HERC1: variants seen among roughly 807,000 people sequenced by gnomAD.
The protein encoded by HERC1 is probable E3 ubiquitin-protein ligase HERC1.
Under a neutral mutation model 554.3 loss-of-function variants are expected in HERC1, and 160 were observed. That is an observed-to-expected ratio of 0.29 (90% CI 0.25 to 0.33). The LOEUF (loss-of-function observed/expected upper bound fraction) is 0.33. HERC1 is among the 10% of genes least tolerant of loss of function. The pLI is 1.00. For synonymous variants in HERC1, 2,175 were observed against 2,131.7 expected (o/e 1.02, Z -0.56); for missense variants, 4,919 against 5,918.5 (o/e 0.83, Z 5.54).
intron 56 of HERC1, 113 bp downstream of exon 56, chr15:63,645,366 ATAAG>A: frequency 1.3e-6 from 1 of 756,672 alleles, no homozygotes; most frequent in South Asian, 1.9e-5. Context: ...GTTACACATT[ATAAG>A]AATAGCAACT....
At chr15:63,738,633 G>A (rs1298324412) in intron 12 of HERC1, among the ~76,000 whole-genome samples, 1 of 152,038 alleles carries the variant, frequency 6.6e-6, no homozygotes, top group Non-Finnish European at 1.5e-5. Context: ...GCAGCAATGT[G>A]GTTACTGCAA....
chr15:63,661,942 T>C lies in HERC1; in HGVS notation c.8981A>G (p.His2994Arg). The C allele has an allele frequency of 6.2e-7, 1 of 1,614,034 alleles. No homozygotes were observed. Among genetic ancestry groups the C allele is most frequent in the Non-Finnish European group, 8.5e-7 (1 of 1,179,882 alleles). Residue 2994 changes from histidine to arginine, a missense_variant, in exon 45 of 78, where the codon CAC (histidine) becomes CGC (arginine). His to Arg is a conservative substitution (Grantham distance 29, BLOSUM62 0). This residue lies in a region of HERC1 where 1,963 missense variants were observed against 2,228.6 expected (regional missense o/e 0.88). Transcript: ENST00000443617. ...ACAGCCTGGATGGTTTCTCTTCATG[T>C]GCTGATTGAAGCTGACGACGCTGCA... ...CECSVVSFNQ[H>R]MKRNHPGCGR...
At chr15:63,657,571 C>A (rs1418202689) in intron 48 of HERC1, among the ~76,000 whole-genome samples, 1 of 152,108 alleles carries the variant, frequency 6.6e-6, no homozygotes, top group Non-Finnish European at 1.5e-5. Flanking sequence ...CATTCTATGG[C>A]TTGCTTTTTT....
chr15:63,824,357 C>A (rs1215980205), intron 1 of HERC1, among the ~76,000 whole-genome samples: 2 of 151,874 alleles, frequency 1.3e-5, no homozygotes, highest in African/African-American at 2.4e-5. Flanking sequence ...CACAGTGAAA[C>A]CCCATCTCTA....
chr15:63,665,770 A>G, intron 42 of HERC1, 149 bp downstream of exon 42: 1 of 575,340 alleles, frequency 1.7e-6, no homozygotes, highest in East Asian at 2.8e-5. Flanking sequence ...TCACAGAAAT[A>G]TAAACTTGTA....
At chr15:63,822,848 TG>T (rs755282997) in intron 1 of HERC1, among the ~76,000 whole-genome samples, 9 of 152,062 alleles carry the variant, frequency 5.9e-5, no homozygotes, top group Non-Finnish European at 1.2e-4. Flanking sequence ...AGAGCCAAGA[TG>T]ATTTGCTAAT....
intron 1 of HERC1, among the ~76,000 whole-genome samples, chr15:63,790,844 CA>C (rs1217889126): frequency 6.8e-6 from 1 of 147,908 alleles, no homozygotes; most frequent in African/African-American, 2.5e-5. Context: ...AAAGGAAAAA[CA>C]AAAAAAGTTT....
intron 50 of HERC1, 129 bp downstream of exon 50, chr15:63,655,613 C>T (rs2069988470): frequency 1.6e-6 from 1 of 635,624 alleles, no homozygotes; most frequent in Admixed American, 3.0e-5. Flanking sequence ...AGTATCTATG[C>T]ACTTCTTTTA....
intron 25 of HERC1, 25 bp from the exon 26 acceptor site, chr15:63,699,021 T>C (rs140381066): frequency 2.9e-5 from 46 of 1,574,676 alleles, no homozygotes; most frequent in East Asian, 4.5e-5. Context: ...AATAAACATA[T>C]ATCAATGGCA....
chr15:63,832,160 G>A (rs1479353912), intron 1 of HERC1, among the ~76,000 whole-genome samples: 3 of 152,118 alleles, frequency 2.0e-5, no homozygotes, highest in African/African-American at 7.2e-5. Flanking sequence ...TGATTTGGGG[G>A]AAATATTATG....
At chr15:63,830,788 C>G (rs2078125998) in intron 1 of HERC1, among the ~76,000 whole-genome samples, 1 of 152,164 alleles carries the variant, frequency 6.6e-6, no homozygotes, top group Admixed American at 6.5e-5. Flanking sequence ...GTCATATCTT[C>G]TTGCTCAAGG....
In HERC1 at chr15:63,694,201, G is replaced by A; in HGVS notation, c.5481-44C>T. On this transcript the variant is annotated intron_variant, in intron 29 of 77. Coordinates refer to ENST00000443617, the MANE Select transcript of HERC1 (RefSeq NM_003922.4). The surrounding 1 kb of genome is among the most constrained non-coding windows in gnomAD (Gnocchi z 4.3). The stretch of plus-strand genomic sequence containing the variant: ...AAAAATAAGTGGCAAACACACAGAA[G>A]GGCAAGCATAGTGCTTAAATACATA... 1.3e-6 allele frequency: 2 copies of A among 1,564,662 alleles called. No individual in the cohort carries two copies. Among genetic ancestry groups the A allele is most frequent in the Non-Finnish European group, 1.7e-6 (2 of 1,155,012 alleles).
chr15:63,682,323 A>C (rs1390707754), intron 34 of HERC1, among the ~76,000 whole-genome samples: 1 of 152,200 alleles, frequency 6.6e-6, no homozygotes, highest in Non-Finnish European at 1.5e-5. Flanking sequence ...AGCTCAGGTA[A>C]AAACTGTGCT....
chr15:63,630,674 C>A, intron 68 of HERC1, 39 bp from the exon 69 acceptor site: 1 of 1,564,724 alleles, frequency 6.4e-7, no homozygotes, highest in Non-Finnish European at 8.7e-7. Context: ...AAATGTTATG[C>A]ACCACACAAC....
At position 63,734,158 on chromosome 15, in the gene HERC1, C is replaced by T. The variant is rs1409176024; in HGVS notation, c.2646+566G>A. Among the ~76,000 whole-genome samples the T allele has an allele frequency of 6.6e-6, 1 of 152,092 alleles. No homozygotes were observed. The highest frequency in any genetic ancestry group is 2.4e-5 in the African/African-American group (1 of 41,414). On this transcript the variant is annotated intron_variant, in intron 13 of 77. Coordinates refer to ENST00000443617, the MANE Select transcript of HERC1 (RefSeq NM_003922.4). The surrounding 1 kb of genome is among the most constrained non-coding windows in gnomAD (Gnocchi z 4.6). The stretch of plus-strand genomic sequence containing the variant: ...CTCCAGCGTGGATGACAGAGCAAGA[C>T]TCTGTCTCCAAAAAAAGATTTAAAA...
intron 39 of HERC1, among the ~76,000 whole-genome samples, chr15:63,671,330 C>T (rs2070909306): frequency 6.6e-6 from 1 of 150,486 alleles, no homozygotes; most frequent in African/African-American, 2.4e-5. Context: ...TATGACTGTG[C>T]TGCTGTAATC....
In HERC1 at chr15:63,680,531, C is replaced by T. The variant is rs778595025; in HGVS notation, c.6465+6G>A. Reference sequence around the variant, plus strand: ...AAATGTAATGCTTGTGAATGGGTGTCGGTACCTCTCCATTTTTCCCAAAAG... The same window carrying T: ...AAATGTAATGCTTGTGAATGGGTGTTGGTACCTCTCCATTTTTCCCAAAAG... On this transcript the variant is annotated splice_donor_region_variant and intron_variant, in intron 35 of 77. Transcript: ENST00000443617. The surrounding 1 kb of genome is among the most constrained non-coding windows in gnomAD (Gnocchi z 5.8). 4 of 1,613,206 alleles carry T rather than the reference C, an allele frequency of 2.5e-6. No homozygotes were observed. Among genetic ancestry groups the T allele is most frequent in the South Asian group, 2.2e-5 (2 of 90,860 alleles).
intron 3 of HERC1, among the ~76,000 whole-genome samples, chr15:63,759,047 G>A (rs887469051): frequency 1.3e-5 from 2 of 151,956 alleles, no homozygotes; most frequent in African/African-American, 4.8e-5. Context: ...TCCTTTAATA[G>A]GGCATTTAGA....
At chr15:63,700,708 CA>C (rs11314964) in intron 25 of HERC1, among the ~76,000 whole-genome samples, 13,605 of 64,528 alleles carry the variant, frequency 0.21, 390 homozygotes, top group Middle Eastern at 0.3. Context: ...GACCCTGCCT[CA>C]AAAAAAAAAA....
Sources: gnomAD v4.1 joint callset for allele counts (sites outside exome capture counted in the v4.1 genomes callset) on GRCh38, gnomAD v4.1.1 for gene constraint, gnomAD v4.1.1 regional missense constraint, Gnocchi (gnomAD v3.1) non-coding constraint, MANE v1.5 for transcripts, NCBI Gene and HGNC (gene_info 2026-07-23, HGNC 2026-07-21) for gene names.